The following CSMD3 variants were observed in gnomAD, a reference collection of about 807,000 sequenced individuals.
CSMD3 encodes the protein CUB and sushi domain-containing protein 3.
Under a neutral mutation model 435.2 loss-of-function variants are expected in CSMD3, and 177 were observed. The observed-to-expected ratio is 0.41, with a 90% CI of 0.36 to 0.46. The LOEUF is 0.46. Among genes scored for constraint, CSMD3 ranks in the 20% least tolerant of loss-of-function variants. CSMD3 has a pLI of 0.34. For missense variants in CSMD3, 4,265 were observed against 4,504.6 expected (o/e 0.95, Z 1.52); for synonymous variants, 1,656 against 1,520.5 (o/e 1.09, Z -2.07).
At chr8:112,500,759 T>C (rs548221590) in intron 30 of CSMD3, among the ~76,000 whole-genome samples, 1 of 152,300 alleles carries the variant, frequency 6.6e-6, no homozygotes, top group East Asian at 1.9e-4. Flanking sequence ...CACAGGTGAA[T>C]GCCCACAGTT....
intron 1 of CSMD3, among the ~76,000 whole-genome samples, chr8:113,405,793 G>A (rs1016863701): frequency 2.6e-5 from 4 of 151,718 alleles, no homozygotes; most frequent in East Asian, 1.9e-4. Flanking sequence ...AATGAGAAAG[G>A]AAATTTTCAG....
At chr8:113,202,532 A>G (rs2092725540) in intron 3 of CSMD3, among the ~76,000 whole-genome samples, 1 of 152,136 alleles carries the variant, frequency 6.6e-6, no homozygotes, top group Admixed American at 6.6e-5. Context: ...ACCATCTTGG[A>G]AATGCCATTG....
chr8:113,119,088 G>A (rs1447615385), intron 4 of CSMD3, among the ~76,000 whole-genome samples: 2 of 152,144 alleles, frequency 1.3e-5, no homozygotes, highest in Non-Finnish European at 2.9e-5. Context: ...GTTCTACAGA[G>A]CTGGGTTGCT....
chr8:112,781,780 C>G (rs1276363096), intron 13 of CSMD3, among the ~76,000 whole-genome samples: 1 of 152,162 alleles, frequency 6.6e-6, no homozygotes, highest in African/African-American at 2.4e-5. Context: ...ACAAGTGACT[C>G]TGCCTGGTAA....
At chr8:112,722,589 G>T (rs979457548) in intron 13 of CSMD3, among the ~76,000 whole-genome samples, 2 of 152,172 alleles carry the variant, frequency 1.3e-5, no homozygotes, top group African/African-American at 4.8e-5. Context: ...GTGTGTGTGT[G>T]TGTAGTGTAG....
chr8:112,684,452 A>G (rs946162980), intron 15 of CSMD3, among the ~76,000 whole-genome samples: 1 of 152,096 alleles, frequency 6.6e-6, no homozygotes, highest in Non-Finnish European at 1.5e-5. Context: ...CAACAGGAAG[A>G]GCTGGAAACT....
At chr8:113,001,939 C>G (rs893771469) in intron 6 of CSMD3, among the ~76,000 whole-genome samples, 17 of 152,028 alleles carry the variant, frequency 1.1e-4, no homozygotes, top group Non-Finnish European at 2.4e-4. Flanking sequence ...TGAATGACTA[C>G]TCTGGGCAGG....
intron 35 of CSMD3, among the ~76,000 whole-genome samples, chr8:112,392,694 A>C (rs937031800): frequency 1.3e-5 from 2 of 151,716 alleles, no homozygotes; most frequent in African/African-American, 4.8e-5. Context: ...TACATTAATC[A>C]AATAAGTGGC....
intron 12 of CSMD3, among the ~76,000 whole-genome samples, chr8:112,807,993 C>A (rs758402185): frequency 3.3e-5 from 5 of 151,992 alleles, no homozygotes; most frequent in African/African-American, 9.7e-5. Flanking sequence ...AAAATGGGGA[C>A]TTTAAAGACC....
At chr8:112,335,737 G>GTTTT (rs60064881) in intron 44 of CSMD3, among the ~76,000 whole-genome samples, 3 of 134,362 alleles carry the variant, frequency 2.2e-5, no homozygotes, top group Non-Finnish European at 3.2e-5. Context: ...CATTGTCTTT[G>GTTTT]TTTTTTTTTT....
At chr8:113,332,967 A>T (rs1341361976) in intron 1 of CSMD3, among the ~76,000 whole-genome samples, 1 of 151,792 alleles carries the variant, frequency 6.6e-6, no homozygotes, top group Non-Finnish European at 1.5e-5. Flanking sequence ...CCATAAATAT[A>T]GTTTTACATA....
chr8:113,262,895 C>T (rs2093438545), intron 3 of CSMD3, among the ~76,000 whole-genome samples: 1 of 152,074 alleles, frequency 6.6e-6, no homozygotes, highest in African/African-American at 2.4e-5. Context: ...GCAGCTCAGA[C>T]TTCTAACCTA....
At chr8:112,232,522 T>A (rs1487418279) in intron 68 of CSMD3, among the ~76,000 whole-genome samples, 1 of 152,042 alleles carries the variant, frequency 6.6e-6, no homozygotes, top group East Asian at 1.9e-4. Flanking sequence ...GGCAGGAGAA[T>A]CGCTTGAACC....
rs762798837 is a variant in CSMD3 at position 112,552,706 on chromosome 8, G to A, written c.4249C>T (p.Arg1417Cys). ...CTTCCTGATGATTCTCCTTTAAAACGACCTCCACATTCAGCTGATAAAAAA... is the reference window on the plus strand; with the variant it reads ...CTTCCTGATGATTCTCCTTTAAAACAACCTCCACATTCAGCTGATAAAAAA... ...LPSCIAECGG[R>C]FKGESSGRIL... The change falls in exon 26 of 71, where the codon CGT becomes TGT. Residue 1417 changes from arginine to cysteine, a missense_variant. Arg to Cys is a radical substitution (Grantham distance 180). Transcript: ENST00000297405. The A allele has an allele frequency of 6.8e-6, 11 of 1,611,296 alleles. No individual in the cohort carries two copies. The highest frequency in any genetic ancestry group is 4.4e-5 in the South Asian group (4 of 90,992).
rs138666266 is a variant in CSMD3, at chr8:112,291,570, A to G, written c.8914T>C (p.Ser2972Pro). The G allele has an allele frequency of 2.9e-4, 461 of 1,611,866 alleles. 3 individuals carry two copies. The Middle Eastern group carries it at 3.3e-3, about 12-fold the overall frequency. ...DCNPGYFLFG[S>P]SVLICQPNGQ... ...TTTGGTTGACATATCAAAACTGAAG[A>G]TCCAAATAAAAAATATCCAGGATTG... Residue 2972 changes from serine to proline, a missense_variant, in exon 56 of 71, where the codon TCT becomes CCT. Coordinates refer to ENST00000297405, the MANE Select transcript of CSMD3 (RefSeq NM_198123.2).
At chr8:112,612,723 T>C (rs961835381) in intron 22 of CSMD3, among the ~76,000 whole-genome samples, 8 of 136,644 alleles carry the variant, frequency 5.9e-5, no homozygotes, top group African/African-American at 1.1e-4. Context: ...TTTTTTTTTT[T>C]TTTTTTTTTT....
At chr8:112,929,035 C>T (rs1037333093) in intron 9 of CSMD3, among the ~76,000 whole-genome samples, 23 of 148,036 alleles carry the variant, frequency 1.6e-4, no homozygotes, top group African/African-American at 5.2e-4. Context: ...TCTCTGATGG[C>T]CAGTGATGGT....
intron 6 of CSMD3, chr8:113,018,635 C>T (rs1018764529): frequency 5.7e-6 from 1 of 174,974 alleles, no homozygotes; most frequent in Admixed American, 5.6e-5. Context: ...TATGTTAACA[C>T]AATTGGTAGA....
At chr8:113,007,836 G>T (rs1236238713) in intron 6 of CSMD3, among the ~76,000 whole-genome samples, 1 of 151,830 alleles carries the variant, frequency 6.6e-6, no homozygotes, top group Non-Finnish European at 1.5e-5. Flanking sequence ...TACAGTTGCT[G>T]CATTTTCTAA....
Sources: allele counts gnomAD v4.1 joint callset (sites outside exome capture counted in the v4.1 genomes callset), GRCh38; gene constraint gnomAD v4.1.1; transcripts MANE v1.5; gene names NCBI Gene and HGNC (gene_info 2026-07-23, HGNC 2026-07-21).